TOPBP1: variants seen among roughly 807,000 people sequenced by gnomAD.
TOPBP1 encodes DNA topoisomerase 2-binding protein 1.
In TOPBP1, 28 loss-of-function variants were observed where a neutral mutation model predicts 167.7. The observed-to-expected ratio is 0.17, with a 90% CI of 0.12 to 0.23. The LOEUF (loss-of-function observed/expected upper bound fraction) is 0.23. TOPBP1 is among the 10% of genes least tolerant of loss of function. The pLI is 1.00. For missense variants in TOPBP1, 1,554 were observed against 1,809.6 expected, an observed-to-expected ratio of 0.86 and a Z score of 2.56; for synonymous variants, 598 against 611.4, an observed-to-expected ratio of 0.98 and a Z score of 0.32.
chr3:133,648,102 G>C (rs1160131159), intron 10 of TOPBP1, among the ~76,000 whole-genome samples: 1 of 152,126 alleles, frequency 6.6e-6, no homozygotes, highest in African/African-American at 2.4e-5. Context: ...ACAGCCAGAG[G>C]ATAAAGACAG....
At chr3:133,619,836 T>C (rs1935024358) in intron 20 of TOPBP1, among the ~76,000 whole-genome samples, 1 of 152,150 alleles carries the variant, frequency 6.6e-6, no homozygotes, top group African/African-American at 2.4e-5. Context: ...CCATGTCTGC[T>C]CCACCTCCGA....
Position 133,608,920 on chromosome 3 carries a change from A to C in TOPBP1, c.4216T>G (p.Ser1406Ala), listed in dbSNP as rs946067900. 9.3e-6 allele frequency: 15 copies of C among 1,613,384 alleles called. No homozygotes were observed. The highest frequency in any genetic ancestry group is 1.3e-5 in the Non-Finnish European group (15 of 1,179,690). ...AGGCGTTTGAAGCCTGCTTCTCGAG[A>C]CTGATCCACATGTAAAATAACCTTC... Reference protein sequence around the residue: ...GWKVILHVDQSREAGFKRLLQ... With the variant: ...GWKVILHVDQAREAGFKRLLQ... The change falls in exon 26 of 28, where the codon TCT becomes GCT. Residue 1406 changes from serine to alanine, a missense_variant. Ser to Ala is a moderately conservative substitution (Grantham distance 99). Around this residue, in one of 3 missense-constraint regions of TOPBP1, gnomAD observed 351 missense variants for 432.9 expected, o/e 0.81. Transcript: ENST00000260810.
intron 21 of TOPBP1, 126 bp from the exon 22 acceptor site, chr3:133,617,452 A>G (rs750934047): frequency 1.9e-6 from 2 of 1,057,678 alleles, no homozygotes; most frequent in Non-Finnish European, 2.6e-6. Context: ...TAAAAAGTAC[A>G]GGCAAAAAAG....
chr3:133,620,378 G>GT lies in TOPBP1; in HGVS notation c.3179-32dup, dbSNP rs763538864. On this transcript the variant is annotated intron_variant, in intron 19 of 27. Coordinates refer to ENST00000260810, the MANE Select transcript of TOPBP1 (RefSeq NM_007027.4). Reference sequence around the variant, plus strand: ...AACAAACACAAATACACCATTCAAGGTAAGTTCCTCTTTTTTACCATATCT... The same window carrying GT: ...AACAAACACAAATACACCATTCAAGGTTAAGTTCCTCTTTTTTACCATATCT... 4.1e-5 allele frequency: 66 copies of GT among 1,591,072 alleles called. 5 individuals are homozygous for GT. The highest frequency in any genetic ancestry group is 4.1e-4 in the Admixed American group (23 of 56,208).
intron 9 of TOPBP1, 52 bp from the exon 10 acceptor site, chr3:133,649,685 T>C: frequency 6.3e-7 from 1 of 1,598,538 alleles, no homozygotes; most frequent in Non-Finnish European, 8.5e-7. Flanking sequence ...AAGACCATCA[T>C]CCCACTTGTC....
chr3:133,615,239 G>A (rs1032888429), intron 23 of TOPBP1, among the ~76,000 whole-genome samples: 5 of 152,178 alleles, frequency 3.3e-5, no homozygotes, highest in Admixed American at 3.3e-4. Context: ...GGAGGCCAAG[G>A]TAGGTGGATC....
In TOPBP1 at chr3:133,643,967, T is replaced by C. The variant is rs1443683275; in HGVS notation, c.1848+53A>G. 8.8e-6 allele frequency: 13 copies of C among 1,480,416 alleles called. No individual in the cohort carries two copies. In the Admixed American group the frequency reaches 1.1e-4, roughly 13 times the overall value. 91.7% of individuals were successfully genotyped at this position (1,480,416 alleles called of 1,614,324 possible). A position where few individuals can be genotyped will look rare whatever the true frequency, so the allele number is the denominator to read the frequency against. ...GTCTAAGAAATAAACATTAACCTTC[T>C]TGGCATTCAGATATCCTTCGATACT... is the stretch of plus-strand genomic sequence containing the variant. On this transcript the variant is annotated intron_variant, in intron 11 of 27. Transcript: ENST00000260810.
At position 133,649,878 on chromosome 3, in the gene TOPBP1, A is replaced by G. The variant is rs984702316; in HGVS notation, c.1155T>C (p.Gly385=). The change falls in exon 9 of 28, where the codon GGT becomes GGC. Residue 385 remains glycine (G), a synonymous_variant. Coordinates refer to ENST00000260810, the MANE Select transcript of TOPBP1 (RefSeq NM_007027.4). ...CATTTAGCTGGTTAAAACGAACTCC[A>G]CCTCCACTGTTAATAAGTCTTCTCA... ...DKLRRLINSG[G]GVRFNQLNED... 1.4e-5 allele frequency: 23 copies of G among 1,612,248 alleles called. No individual in the cohort carries two copies. The highest frequency in any genetic ancestry group is 2.0e-5 in the Non-Finnish European group (23 of 1,179,234).
intron 4 of TOPBP1, among the ~76,000 whole-genome samples, chr3:133,657,504 TA>T (rs1323554881): frequency 6.6e-6 from 1 of 151,996 alleles, no homozygotes; most frequent in African/African-American, 2.4e-5. Context: ...TCCTTTTTTT[TA>T]AAGACTGTCC....
chr3:133,608,925 T>C lies in TOPBP1; in HGVS notation c.4211A>G (p.Asp1404Gly), dbSNP rs544290226. 2 of 1,613,316 alleles carry C rather than the reference T, an allele frequency of 1.2e-6. No homozygotes were observed. Among genetic ancestry groups the C allele is most frequent in the Admixed American group, 3.3e-5 (2 of 59,896 alleles). ...FSGWKVILHVDQSREAGFKRL... is the reference protein window; with the variant it reads ...FSGWKVILHVGQSREAGFKRL... ...TTTGAAGCCTGCTTCTCGAGACTGA[T>C]CCACATGTAAAATAACCTTCCACCC... Residue 1404 changes from aspartate (D) to glycine (G), a missense_variant, in exon 26 of 28, where the codon GAT becomes GGT. This residue lies in a region of TOPBP1 where 351 missense variants were observed against 432.9 expected (regional missense o/e 0.81). Transcript: ENST00000260810.
intron 16 of TOPBP1, among the ~76,000 whole-genome samples, chr3:133,624,990 A>G (rs1178938252): frequency 2.6e-5 from 4 of 152,086 alleles, no homozygotes; most frequent in Non-Finnish European, 2.9e-5. Context: ...TTTTTGAGAC[A>G]GAGTCTCACT....
At position 133,650,090 on chromosome 3, in the gene TOPBP1, T is replaced by C. The variant is rs372435006; in HGVS notation, c.1090-147A>G. Reference sequence around the variant, plus strand: ...AATAAATACATTCTGAAACTTTTGATTTTTTAACAGTTCTGCAACTTTGAG... The same window carrying C: ...AATAAATACATTCTGAAACTTTTGACTTTTTAACAGTTCTGCAACTTTGAG... On this transcript the variant is annotated intron_variant, in intron 8 of 27. Coordinates refer to ENST00000260810, the MANE Select transcript of TOPBP1 (RefSeq NM_007027.4). The C allele has an allele frequency of 3.0e-4, 209 of 700,956 alleles. 2 individuals carry two copies. Among genetic ancestry groups the C allele is most frequent in the Middle Eastern group, 1.3e-3 (3 of 2,274 alleles). 43.4% of individuals were successfully genotyped at this position (700,956 alleles called of 1,614,324 possible).
intron 19 of TOPBP1, among the ~76,000 whole-genome samples, chr3:133,622,584 A>G (rs1935129445): frequency 6.6e-6 from 1 of 152,128 alleles, no homozygotes; most frequent in South Asian, 2.1e-4. Context: ...TAAGGAACTA[A>G]TAACACTGGG....
In TOPBP1 at chr3:133,616,865, A is replaced by C; in HGVS notation, c.3820T>G (p.Ser1274Ala). Reference protein sequence around the residue: ...LKKQYIFQLSSLNPQERIDYC... With the variant: ...LKKQYIFQLSALNPQERIDYC... ...TCAATACGTTCTTGAGGATTCAGAGATGATAACTGAAATATGTACTGTTTT... is the reference window on the plus strand; with the variant it reads ...TCAATACGTTCTTGAGGATTCAGAGCTGATAACTGAAATATGTACTGTTTT... The change falls in exon 23 of 28, where the codon TCT becomes GCT. Residue 1274 changes from serine to alanine, a missense_variant. Around this residue, in one of 3 missense-constraint regions of TOPBP1, gnomAD observed 351 missense variants for 432.9 expected, o/e 0.81. Transcript: ENST00000260810. 3 of 1,561,402 alleles carry C rather than the reference A, an allele frequency of 1.9e-6. No homozygotes were observed. Among genetic ancestry groups the C allele is most frequent in the Non-Finnish European group, 2.6e-6 (3 of 1,155,554 alleles).
intron 26 of TOPBP1, 28 bp from the exon 27 acceptor site, chr3:133,608,724 A>G (rs753659696): frequency 5.0e-6 from 8 of 1,610,184 alleles, no homozygotes; most frequent in African/African-American, 1.3e-5. Context: ...TAGTATCACA[A>G]TCTACCAGTA....
chr3:133,610,766 G>A (rs1934648756), intron 25 of TOPBP1, among the ~76,000 whole-genome samples: 1 of 152,074 alleles, frequency 6.6e-6, no homozygotes, highest in Admixed American at 6.6e-5. Context: ...CTTTGAGAAG[G>A]TCTGTGGACT....
chr3:133,619,467 A>G (rs1935012753), intron 20 of TOPBP1, among the ~76,000 whole-genome samples: 1 of 152,160 alleles, frequency 6.6e-6, no homozygotes, highest in African/African-American at 2.4e-5. Context: ...TTTTTCTTCT[A>G]TCACGAAAAA....
At chr3:133,604,091 T>G (rs1019672039) in intron 27 of TOPBP1, among the ~76,000 whole-genome samples, 1 of 151,886 alleles carries the variant, frequency 6.6e-6, no homozygotes, top group Non-Finnish European at 1.5e-5. Flanking sequence ...CAGTTATAAA[T>G]GAACACAAGT....
chr3:133,611,978 T>G (rs1447807831), intron 24 of TOPBP1, among the ~76,000 whole-genome samples: 2 of 151,902 alleles, frequency 1.3e-5, no homozygotes, highest in Non-Finnish European at 2.9e-5. Flanking sequence ...GTTCAAGCCA[T>G]CCTCCTGCCT....
Sources: gnomAD v4.1 joint callset for allele counts (sites outside exome capture counted in the v4.1 genomes callset) on GRCh38, gnomAD v4.1.1 for gene constraint, gnomAD v4.1.1 regional missense constraint, MANE v1.5 for transcripts, NCBI Gene and HGNC (gene_info 2026-07-23, HGNC 2026-07-21) for gene names.